The following MTFR1 variants were observed in gnomAD, a reference collection of about 807,000 sequenced individuals.
MTFR1 encodes the protein mitochondrial fission regulator 1.
In MTFR1, 28 loss-of-function variants were observed where a neutral mutation model predicts 38.8. That is an observed-to-expected ratio of 0.72 (90% CI 0.53 to 0.99). The LOEUF is 0.99. MTFR1 is among the 50% of genes least tolerant of loss of function. The pLI, the probability that MTFR1 is intolerant of heterozygous loss-of-function variation, is 0.00. For missense variants in MTFR1, 358 were observed against 395.5 expected, an observed-to-expected ratio of 0.91 and a Z score of 0.81; for synonymous variants, 145 against 137.0, an observed-to-expected ratio of 1.06 and a Z score of -0.41.
intron 3 of MTFR1, among the ~76,000 whole-genome samples, chr8:65,740,853 TTCTC>T (rs1046719607): frequency 6.6e-6 from 1 of 152,132 alleles, no homozygotes; most frequent in Non-Finnish European, 1.5e-5. Context: ...ATGTTCTAGA[TTCTC>T]TCATCTCTGA....
chr8:65,772,278 CTA>C (rs1809120669), downstream of MTFR1, among the ~76,000 whole-genome samples: 1 of 152,152 alleles, frequency 6.6e-6, no homozygotes, highest in African/African-American at 2.4e-5. Flanking sequence ...CACCTAGAAA[CTA>C]TTTTTATTTC....
At chr8:65,679,422 A>T (rs1256656547) in intron 2 of MTFR1, 2 of 152,244 alleles carry the variant, frequency 1.3e-5, no homozygotes, top group Non-Finnish European at 2.9e-5. Flanking sequence ...CCTGGCCAAC[A>T]TGGTGAAACC....
intron 1 of MTFR1, among the ~76,000 whole-genome samples, chr8:65,656,425 C>A (rs1809272119): frequency 6.6e-6 from 1 of 151,852 alleles, no homozygotes. Context: ...TCTCAAACTC[C>A]TGAGTTCAAG....
chr8:65,669,912 A>G lies in MTFR1; in HGVS notation c.-41A>G. 1 of 1,541,686 alleles carries G rather than the reference A, an allele frequency of 6.5e-7. No individual in the cohort carries two copies. Among genetic ancestry groups the G allele is most frequent in the Non-Finnish European group, 8.9e-7 (1 of 1,123,732 alleles). ...CATGTGCTGCTATGTATGCCTGAAG[A>G]AGTACTTGAAATGCAAATTTGGGGA... On this transcript the variant is annotated 5_prime_UTR_variant, in exon 2 of 8. Transcript: ENST00000262146.
At chr8:65,725,047 T>A (rs1806553346) in intron 3 of MTFR1, 2 of 497,870 alleles carry the variant, frequency 4.0e-6, no homozygotes, top group Non-Finnish European at 3.3e-6. Context: ...TCATTCAATT[T>A]AAAATTTATC....
At chr8:65,645,799 G>A (rs1320618916) in intron 1 of MTFR1, among the ~76,000 whole-genome samples, 1 of 151,330 alleles carries the variant, frequency 6.6e-6, no homozygotes, top group Non-Finnish European at 1.5e-5. Flanking sequence ...AAAGTGTTGG[G>A]ATTACAGGCG....
intron 3 of MTFR1, among the ~76,000 whole-genome samples, chr8:65,756,732 C>G: frequency 6.6e-6 from 1 of 152,216 alleles, no homozygotes; most frequent in African/African-American, 2.4e-5. Flanking sequence ...ACTAGTAATT[C>G]CAATGTGTGG....
chr8:65,693,662 G>C lies in MTFR1; in HGVS notation c.184G>C (p.Glu62Gln). 3.7e-6 allele frequency: 6 copies of C among 1,614,038 alleles called. No individual in the cohort carries two copies. The highest frequency in any genetic ancestry group is 5.1e-6 in the Non-Finnish European group (6 of 1,179,956). ...CTTACAGATTAACAGCCATGCAACA[G>C]AATGGAGTCCCAGCCACCCAGGAGA... ...VQFQINSHATEWSPSHPGEDA... is the reference protein window; with the variant it reads ...VQFQINSHATQWSPSHPGEDA... The change falls in exon 4 of 8, where the codon GAA becomes CAA. Residue 62 changes from glutamate to glutamine, a missense_variant. Physicochemically the swap from Glu to Gln is conservative, Grantham distance 29. Coordinates refer to ENST00000262146, the MANE Select transcript of MTFR1 (RefSeq NM_014637.4).
chr8:65,764,000 T>G (rs1466210396), intron 3 of MTFR1, among the ~76,000 whole-genome samples: 1 of 152,220 alleles, frequency 6.6e-6, no homozygotes, highest in Non-Finnish European at 1.5e-5. Flanking sequence ...TAGTGGTTCT[T>G]AAATGTAGGC....
At chr8:65,733,136 A>C (rs1806969880) in intron 3 of MTFR1, among the ~76,000 whole-genome samples, 1 of 152,216 alleles carries the variant, frequency 6.6e-6, no homozygotes, top group Admixed American at 6.5e-5. Context: ...GAGTATGTTA[A>C]GGATGAAAAG....
At chr8:65,697,277 G>A (rs1208365557) in intron 4 of MTFR1, among the ~76,000 whole-genome samples, 1 of 152,126 alleles carries the variant, frequency 6.6e-6, no homozygotes, top group Admixed American at 6.5e-5. Context: ...GAGCCACCGC[G>A]CCTGGCCAAA....
intron 1 of MTFR1, among the ~76,000 whole-genome samples, chr8:65,651,542 A>G (rs1243344616): frequency 3.3e-5 from 5 of 152,178 alleles, no homozygotes; most frequent in African/African-American, 1.2e-4. Context: ...TCCCAGCACC[A>G]TTTATTGAAG....
intron 3 of MTFR1, among the ~76,000 whole-genome samples, chr8:65,755,874 T>A (rs1247816125): frequency 1.3e-5 from 2 of 152,214 alleles, no homozygotes; most frequent in Admixed American, 1.3e-4. Context: ...CTTCTTGCCC[T>A]AGCCTCCTGA....
chr8:65,738,832 A>G (rs1807267141), intron 3 of MTFR1, among the ~76,000 whole-genome samples: 1 of 152,266 alleles, frequency 6.6e-6, no homozygotes, highest in African/African-American at 2.4e-5. Context: ...TTTAGCCTTC[A>G]AAAATTTAGA....
chr8:65,681,149 T>C lies in MTFR1; in HGVS notation c.67-1204T>C, dbSNP rs1222090399. On this transcript the variant is annotated intron_variant, in intron 2 of 7. Transcript: ENST00000262146. Reference sequence around the variant, plus strand: ...GGATGGTCTCGATCTCCTGACCTCATGATCCACCCGCCTCGGCCTCCCAAA... The same window carrying C: ...GGATGGTCTCGATCTCCTGACCTCACGATCCACCCGCCTCGGCCTCCCAAA... Among the ~76,000 whole-genome samples, 5 of 151,794 alleles carry C rather than the reference T, an allele frequency of 3.3e-5. No homozygotes were observed. In the South Asian group the frequency reaches 6.2e-4, roughly 19 times the overall value.
intron 3 of MTFR1, among the ~76,000 whole-genome samples, chr8:65,738,512 C>T (rs549333656): frequency 2.0e-5 from 3 of 152,274 alleles, no homozygotes; most frequent in East Asian, 3.9e-4. Flanking sequence ...GTGCCTATTA[C>T]AAGAAGGAAG....
At chr8:65,689,072 G>A (rs1055878878) in intron 3 of MTFR1, among the ~76,000 whole-genome samples, 2 of 152,274 alleles carry the variant, frequency 1.3e-5, no homozygotes, top group African/African-American at 2.4e-5. Context: ...TTGAACCTGG[G>A]AGGTGGAGGT....
chr8:65,739,677 G>T (rs992942581), intron 3 of MTFR1: 2 of 1,263,440 alleles, frequency 1.6e-6, no homozygotes, highest in Non-Finnish European at 2.0e-6. Context: ...TACAGATTTT[G>T]AATATAAAAC....
chr8:65,750,460 G>C (rs2128908092), intron 3 of MTFR1, among the ~76,000 whole-genome samples: 1 of 147,660 alleles, frequency 6.8e-6, no homozygotes, highest in South Asian at 2.1e-4. Flanking sequence ...ATGTATATAT[G>C]TAAATTAGAA....
Sources: gnomAD v4.1 joint callset for allele counts (sites outside exome capture counted in the v4.1 genomes callset) on GRCh38, gnomAD v4.1.1 for gene constraint, MANE v1.5 for transcripts, NCBI Gene and HGNC (gene_info 2026-07-23, HGNC 2026-07-21) for gene names.